Variants in RAD17 observed in about 807,000 individuals in gnomAD.
The protein encoded by RAD17 is RAD17 checkpoint clamp loader component.
RAD17 carries 31 observed loss-of-function variants against 81.5 expected under a neutral mutation model. The observed-to-expected ratio is 0.38, with a 90% confidence interval of 0.29 to 0.51. The LOEUF (loss-of-function observed/expected upper bound fraction) is 0.51. RAD17 is among the 20% of genes least tolerant of loss of function. The pLI is 0.88. For missense variants in RAD17, 681 were observed against 781.2 expected (o/e 0.87, Z 1.53); for synonymous variants, 261 against 266.2 (o/e 0.98, Z 0.19).
rs1385160604 is a variant in RAD17, at chr5:69,383,271, T to C, written c.508+1214T>C. Among the ~76,000 whole-genome samples, 4 of 151,980 alleles carry C rather than the reference T, an allele frequency of 2.6e-5. No homozygotes were observed. In the South Asian group the frequency reaches 8.3e-4, roughly 32 times the overall value. ...GTAGAAGGATAATTTTAATGTGGAGTGTTCCTCAAAATCCCTTCTCTGGAC... is the reference window on the plus strand; with the variant it reads ...GTAGAAGGATAATTTTAATGTGGAGCGTTCCTCAAAATCCCTTCTCTGGAC... On this transcript the variant is annotated intron_variant, in intron 7 of 18. Transcript: ENST00000354868.
At position 69,414,413 on chromosome 5, in the gene RAD17, C is replaced by T; in HGVS notation, c.*121C>T. 1.7e-6 allele frequency: 2 copies of T among 1,153,290 alleles called. No individual in the cohort carries two copies. Among genetic ancestry groups the T allele is most frequent in the African/African-American group, 1.6e-5 (1 of 64,330 alleles). The allele number at this position is 1,153,290 out of a possible 1,614,324, so 71.4% of individuals were successfully genotyped here. On this transcript the variant is annotated 3_prime_UTR_variant, in exon 19 of 19. Coordinates refer to ENST00000354868, the MANE Select transcript of RAD17 (RefSeq NM_133338.3). ...CACAACAGTTTGTTAATTCTTCATT[C>T]TTGTAGTATTTCATCACAAGAAACC...
In RAD17 at chr5:69,382,069, T is replaced by C. The variant is rs751789713; in HGVS notation, c.508+12T>C. The C allele has an allele frequency of 6.2e-7, 1 of 1,609,242 alleles. No homozygotes were observed. Among genetic ancestry groups the C allele is most frequent in the African/African-American group, 1.3e-5 (1 of 74,764 alleles). ...GATGTTTAATACTGGTAAGATTTGCTGTGAAGGTAGTAGAAGTAGTGGGGC... is the reference window on the plus strand; with the variant it reads ...GATGTTTAATACTGGTAAGATTTGCCGTGAAGGTAGTAGAAGTAGTGGGGC... On this transcript the variant is annotated intron_variant, in intron 7 of 18. Transcript: ENST00000354868.
chr5:69,396,989 C>T (rs1413728408), intron 16 of RAD17, among the ~76,000 whole-genome samples: 7 of 151,708 alleles, frequency 4.6e-5, no homozygotes, highest in Non-Finnish European at 7.4e-5. Flanking sequence ...CCAGCCACCA[C>T]GCCTGGCTAA....
At chr5:69,371,322 A>T (rs1421802146) in intron 2 of RAD17, 132 bp from the exon 3 acceptor site, 7 of 493,370 alleles carry the variant, frequency 1.4e-5, no homozygotes, top group African/African-American at 2.0e-5. Flanking sequence ...GTATCACTTA[A>T]ATTTACTGTT....
rs1172272944 is a variant in RAD17 at position 69,414,177 on chromosome 5, C to CT, written c.1901dup (p.Leu634PhefsTer5). 1 of 1,614,244 alleles carries CT rather than the reference C, an allele frequency of 6.2e-7. No individual in the cohort carries two copies. The highest frequency in any genetic ancestry group is 1.7e-5 in the Admixed American group (1 of 60,022). The stretch of plus-strand genomic sequence containing the variant: ...ACTGTGCCGGAAACCTGGTCTCTTC[C>CT]TTTGAGTCAGAATAGTGCCAGTGAA... On this transcript the variant is annotated frameshift_variant, in exon 19 of 19. Transcript: ENST00000354868. LOFTEE classifies it high-confidence loss of function.
At position 69,414,137 on chromosome 5, in the gene RAD17, G is replaced by A. The variant is rs758159209; in HGVS notation, c.1858G>A (p.Glu620Lys). 4 of 1,614,210 alleles carry A rather than the reference G, an allele frequency of 2.5e-6. No individual in the cohort carries two copies. The highest frequency in any genetic ancestry group is 4.5e-5 in the East Asian group (2 of 44,886). ...GGHSAEESLG[E>K]PTQATVPETW... ...ACATTCTGCAGAGGAATCTCTGGGTGAACCCACTCAAGCCACTGTGCCGGA... is the reference window on the plus strand; with the variant it reads ...ACATTCTGCAGAGGAATCTCTGGGTAAACCCACTCAAGCCACTGTGCCGGA... Residue 620 changes from glutamate to lysine, a missense_variant, in exon 19 of 19, where the codon GAA (glutamate) becomes AAA (lysine). Coordinates refer to ENST00000354868, the MANE Select transcript of RAD17 (RefSeq NM_133338.3).
At chr5:69,413,529 TTTTG>T (rs569024574) in intron 18 of RAD17, among the ~76,000 whole-genome samples, 26 of 152,332 alleles carry the variant, frequency 1.7e-4, no homozygotes, top group African/African-American at 2.6e-4. Context: ...GGTTTGGTTT[TTTTG>T]TTTGTTTGTT....
chr5:69,404,629 T>C (rs1765477502), intron 17 of RAD17, among the ~76,000 whole-genome samples: 1 of 151,526 alleles, frequency 6.6e-6, no homozygotes, highest in African/African-American at 2.4e-5. Flanking sequence ...ATTAGCTGGG[T>C]GCAGTGGTGG....
rs1766266794 is a variant in RAD17 at position 69,414,606 on chromosome 5, A to G, written c.*314A>G. On this transcript the variant is annotated 3_prime_UTR_variant, in exon 19 of 19. Transcript: ENST00000354868. Reference sequence around the variant, plus strand: ...GTGAAGGACTAATTCAGGATGCAAAAACGTTATTGGGGGGTTGTAAATATC... The same window carrying G: ...GTGAAGGACTAATTCAGGATGCAAAGACGTTATTGGGGGGTTGTAAATATC... The G allele has an allele frequency of 2.6e-6, 1 of 386,162 alleles. No homozygotes were observed. The highest frequency in any genetic ancestry group is 4.7e-6 in the Non-Finnish European group (1 of 213,468). 23.9% of individuals were successfully genotyped at this position (386,162 alleles called of 1,614,324 possible). A position where few individuals can be genotyped will look rare whatever the true frequency, so the allele number is the denominator to read the frequency against.
In RAD17 at chr5:69,391,923, GT is replaced by G; in HGVS notation, c.1104del (p.Phe368LeufsTer33). ...KSKRRKKPDR[V>X]FENQEVQAIG... ...AAAACGAAGAAAAAAACCTGATAGG[GT>G]TTTTGAAAATCAAGAGGTCCAAGCT... On this transcript the variant is annotated frameshift_variant, in exon 13 of 19. Coordinates refer to ENST00000354868, the MANE Select transcript of RAD17 (RefSeq NM_133338.3). LOFTEE classifies it high-confidence loss of function. The G allele has an allele frequency of 1.3e-6, 2 of 1,597,338 alleles. No individual in the cohort carries two copies. The highest frequency in any genetic ancestry group is 1.1e-5 in the South Asian group (1 of 87,542).
intron 17 of RAD17, among the ~76,000 whole-genome samples, chr5:69,402,673 T>A (rs1039208208): frequency 6.7e-6 from 1 of 150,234 alleles, no homozygotes; most frequent in African/African-American, 2.4e-5. Flanking sequence ...AAAAAAATTA[T>A]TTTAAATGTA....
At chr5:69,371,192 G>GT (rs763331085) in intron 2 of RAD17, 21 bp downstream of exon 2, 18 of 498,168 alleles carry the variant, frequency 3.6e-5, no homozygotes, top group African/African-American at 8.1e-5. Context: ...AGTATGTGTG[G>GT]TTTTTTTGTT....
chr5:69,393,144 A>C lies in RAD17; in HGVS notation c.1190-11A>C. On this transcript the variant is annotated splice_polypyrimidine_tract_variant and intron_variant, in intron 13 of 18. Transcript: ENST00000354868. Reference sequence around the variant, plus strand: ...GGTATTATCTTTAATAATTCCAGAAATTTTTTATAGGAGCATCTTTAACAG... The same window carrying C: ...GGTATTATCTTTAATAATTCCAGAACTTTTTTATAGGAGCATCTTTAACAG... The C allele has an allele frequency of 6.4e-7, 1 of 1,573,502 alleles. No homozygotes were observed. Among genetic ancestry groups the C allele is most frequent in the Non-Finnish European group, 8.7e-7 (1 of 1,151,200 alleles).
In RAD17 at chr5:69,374,637, G is replaced by C; in HGVS notation, c.277G>C (p.Ala93Pro). ...GAAATTTTTGTTGTAGCATGAACTT[G>C]CTGTGCATAAAAAGAAAATTGAAGA... ...KYKPETQHELAVHKKKIEEVE... is the reference protein window; with the variant it reads ...KYKPETQHELPVHKKKIEEVE... The change falls in exon 6 of 19, where the codon GCT (alanine) becomes CCT (proline). Residue 93 changes from alanine (A) to proline (P), a missense_variant. By Grantham distance (27) the Ala-to-Pro change is conservative. Transcript: ENST00000354868. The C allele has an allele frequency of 1.2e-6, 2 of 1,609,228 alleles. No homozygotes were observed. The highest frequency in any genetic ancestry group is 1.7e-6 in the Non-Finnish European group (2 of 1,178,714).
At chr5:69,384,771 A>G (rs1377131381) in intron 7 of RAD17, 26 bp from the exon 8 acceptor site, 4 of 1,580,712 alleles carry the variant, frequency 2.5e-6, no homozygotes, top group East Asian at 2.2e-5. Flanking sequence ...TGTTGAAAAT[A>G]AAAGTGGTTA....
At chr5:69,393,270 T>C (rs1332689717) in intron 14 of RAD17, 30 bp downstream of exon 14, 1 of 1,571,246 alleles carries the variant, frequency 6.4e-7, no homozygotes, top group Non-Finnish European at 8.7e-7. Context: ...TTAGTATAGG[T>C]TACAAAGGAT....
chr5:69,369,450 C>A, upstream of RAD17: 2 of 1,610,332 alleles, frequency 1.2e-6, no homozygotes, highest in Non-Finnish European at 1.7e-6. Flanking sequence ...CCCTCCCGGC[C>A]GCGCGCCCTG....
intron 17 of RAD17, among the ~76,000 whole-genome samples, chr5:69,404,958 T>C (rs372323387): frequency 6.6e-6 from 1 of 151,958 alleles, no homozygotes; most frequent in Non-Finnish European, 1.5e-5. Flanking sequence ...AAGGACCAGA[T>C]AGACATTTCT....
chr5:69,388,472 C>T (rs1764350773), intron 11 of RAD17, among the ~76,000 whole-genome samples: 1 of 152,104 alleles, frequency 6.6e-6, no homozygotes, highest in Non-Finnish European at 1.5e-5. Flanking sequence ...CTTCAAAATA[C>T]AACCTGGTCA....
Sources: gnomAD v4.1 joint callset for allele counts (sites outside exome capture counted in the v4.1 genomes callset) on GRCh38, gnomAD v4.1.1 for gene constraint, MANE v1.5 for transcripts, NCBI Gene and HGNC (gene_info 2026-07-23, HGNC 2026-07-21) for gene names.